Variants in CDH12 observed in about 807,000 individuals in gnomAD.
CDH12 encodes cadherin-12.
A neutral mutation model predicts 74.1 loss-of-function variants in CDH12; 41 were observed. That is an observed-to-expected ratio of 0.55 (90% CI 0.43 to 0.72). The LOEUF (loss-of-function observed/expected upper bound fraction) is 0.72. CDH12 is among the 30% of genes least tolerant of loss of function. The pLI is 0.00. For synonymous variants in CDH12, 399 were observed against 355.0 expected (o/e 1.12, Z -1.39); for missense variants, 945 against 977.2 (o/e 0.97, Z 0.44).
chr5:22,735,124 T>G (rs977425580), intron 1 of CDH12, among the ~76,000 whole-genome samples: 2 of 151,914 alleles, frequency 1.3e-5, no homozygotes, highest in African/African-American at 4.8e-5. Flanking sequence ...CTCTTCTGAA[T>G]TCCAGCTTCT....
chr5:21,963,419 C>T (rs561117684), intron 6 of CDH12, among the ~76,000 whole-genome samples: 1 of 152,202 alleles, frequency 6.6e-6, no homozygotes, highest in East Asian at 1.9e-4. Context: ...CCTCTAAACT[C>T]GTTATTTTTA....
At chr5:22,519,376 A>T (rs1736947163) in intron 1 of CDH12, among the ~76,000 whole-genome samples, 1 of 151,874 alleles carries the variant, frequency 6.6e-6, no homozygotes, top group Admixed American at 6.6e-5. Flanking sequence ...ACCATGTCCA[A>T]CTTGCCAACA....
At chr5:22,215,519 T>C (rs1751771292) in intron 3 of CDH12, among the ~76,000 whole-genome samples, 1 of 152,136 alleles carries the variant, frequency 6.6e-6, no homozygotes, top group South Asian at 2.1e-4. Flanking sequence ...CACAAATGAC[T>C]CAATTTCAAA....
At chr5:22,020,154 A>G (rs1164126501) in intron 5 of CDH12, among the ~76,000 whole-genome samples, 1 of 152,180 alleles carries the variant, frequency 6.6e-6, no homozygotes, top group Non-Finnish European at 1.5e-5. Flanking sequence ...TGGAATAATG[A>G]CTGCAAGACA....
At chr5:22,092,586 A>G (rs1561101261) in intron 4 of CDH12, among the ~76,000 whole-genome samples, 1 of 152,308 alleles carries the variant, frequency 6.6e-6, no homozygotes, top group Non-Finnish European at 1.5e-5. Flanking sequence ...TAGAAAAATA[A>G]CATAGTAACA....
chr5:22,534,210 T>G (rs1226845288), intron 1 of CDH12, among the ~76,000 whole-genome samples: 1 of 152,134 alleles, frequency 6.6e-6, no homozygotes, highest in Non-Finnish European at 1.5e-5. Context: ...TTTAATTTTT[T>G]TATTTCCGTA....
At chr5:22,617,355 G>A (rs1737743469) in intron 1 of CDH12, among the ~76,000 whole-genome samples, 1 of 152,010 alleles carries the variant, frequency 6.6e-6, no homozygotes, top group Admixed American at 6.6e-5. Flanking sequence ...TGTTTACAGT[G>A]ACCCAATCTA....
intron 3 of CDH12, among the ~76,000 whole-genome samples, chr5:22,255,157 G>C (rs987485851): frequency 3.3e-5 from 5 of 151,738 alleles, no homozygotes; most frequent in African/African-American, 1.2e-4. Context: ...TTTTCTGTTT[G>C]CTATTTCTTG....
chr5:22,377,480 T>A (rs1741582023), intron 3 of CDH12, among the ~76,000 whole-genome samples: 1 of 152,092 alleles, frequency 6.6e-6, no homozygotes, highest in Admixed American at 6.6e-5. Context: ...TGTGTCCTCA[T>A]TTGCATCCGG....
intron 1 of CDH12, among the ~76,000 whole-genome samples, chr5:22,711,559 A>C (rs950983757): frequency 5.3e-5 from 8 of 152,144 alleles, no homozygotes; most frequent in African/African-American, 1.7e-4. Flanking sequence ...GTTCACTGAC[A>C]ACCAGGTCTT....
intron 1 of CDH12, among the ~76,000 whole-genome samples, chr5:22,620,641 C>T (rs1206958302): frequency 1.3e-5 from 2 of 151,922 alleles, no homozygotes; most frequent in East Asian, 3.9e-4. Context: ...TCTGTATATG[C>T]CCAGTAGATC....
intron 1 of CDH12, among the ~76,000 whole-genome samples, chr5:22,571,137 C>A (rs1299855193): frequency 1.3e-5 from 2 of 152,016 alleles, no homozygotes. Context: ...CTATCCAAAC[C>A]ACTCAAACTT....
At chr5:21,872,001 T>C (rs1013809584) in intron 6 of CDH12, among the ~76,000 whole-genome samples, 7 of 152,194 alleles carry the variant, frequency 4.6e-5, no homozygotes, top group Admixed American at 1.3e-4. Context: ...AAAAGAATTA[T>C]ACATTTGTTA....
chr5:21,848,418 A>C (rs1750292197), intron 7 of CDH12, among the ~76,000 whole-genome samples: 2 of 152,022 alleles, frequency 1.3e-5, no homozygotes, highest in South Asian at 4.1e-4. Context: ...TGAGAATATA[A>C]GTTTCTGTTT....
intron 5 of CDH12, among the ~76,000 whole-genome samples, chr5:22,011,535 T>C (rs377124749): frequency 2.6e-5 from 4 of 152,250 alleles, no homozygotes. Flanking sequence ...ATTGTGTCTG[T>C]TTTTTTCTAT....
intron 3 of CDH12, among the ~76,000 whole-genome samples, chr5:22,256,564 A>G (rs973345177): frequency 1.3e-5 from 2 of 152,080 alleles, no homozygotes; most frequent in African/African-American, 4.8e-5. Flanking sequence ...TTTTTCTTTA[A>G]GTTAACTATA....
chr5:22,422,613 T>C (rs1743702044), intron 2 of CDH12, among the ~76,000 whole-genome samples: 1 of 152,168 alleles, frequency 6.6e-6, no homozygotes, highest in African/African-American at 2.4e-5. Context: ...ATGGATCTAA[T>C]AAAAAGATTT....
At chr5:22,182,720 A>G (rs1272224544) in intron 4 of CDH12, among the ~76,000 whole-genome samples, 1 of 152,068 alleles carries the variant, frequency 6.6e-6, no homozygotes, top group African/African-American at 2.4e-5. Flanking sequence ...TATAGATGAG[A>G]AAGTGCAACT....
At chr5:22,274,018 A>G (rs747753600) in intron 3 of CDH12, among the ~76,000 whole-genome samples, 4 of 152,152 alleles carry the variant, frequency 2.6e-5, no homozygotes, top group Non-Finnish European at 5.9e-5. Flanking sequence ...CACCACTATG[A>G]ATACAATAAT....
Sources: gnomAD v4.1 joint callset for allele counts (sites outside exome capture counted in the v4.1 genomes callset) on GRCh38, gnomAD v4.1.1 for gene constraint, MANE v1.5 for transcripts, NCBI Gene and HGNC (gene_info 2026-07-23, HGNC 2026-07-21) for gene names.